DLGAP5: variants seen among roughly 807,000 people sequenced by gnomAD.
The protein encoded by DLGAP5 is DLG associated protein 5.
Under a neutral mutation model 99.6 loss-of-function variants are expected in DLGAP5, and 90 were observed. The ratio of observed to expected loss-of-function variants is 0.90; its 90% CI spans 0.76 to 1.08. The LOEUF (loss-of-function observed/expected upper bound fraction) is 1.08, where lower values mean the gene tolerates loss of function less well. Ranked by LOEUF, DLGAP5 falls within the 50% of genes least tolerant of loss-of-function variation. The pLI, the probability that DLGAP5 is intolerant of heterozygous loss-of-function variation, is 0.00. For synonymous variants in DLGAP5, 311 were observed against 321.3 expected (o/e 0.97, Z 0.34); for missense variants, 1,036 against 983.5 (o/e 1.05, Z -0.71).
chr14:55,183,135 C>T (rs1461828492), intron 3 of DLGAP5, among the ~76,000 whole-genome samples: 1 of 152,180 alleles, frequency 6.6e-6, no homozygotes, highest in East Asian at 1.9e-4. Context: ...TTAAAACCCA[C>T]TGCCCCTTTC....
chr14:55,175,672 T>C (rs1237493108), intron 9 of DLGAP5, among the ~76,000 whole-genome samples, 200 bp from the exon 10 acceptor site: 2 of 152,226 alleles, frequency 1.3e-5, no homozygotes, highest in Non-Finnish European at 2.9e-5. Context: ...CTTCTGTCTG[T>C]ATTCTTCATT....
chr14:55,158,788 A>T, intron 13 of DLGAP5, 47 bp from the exon 14 acceptor site: 2 of 1,371,002 alleles, frequency 1.5e-6, no homozygotes, highest in Non-Finnish European at 2.0e-6. Context: ...ACCATCTTAC[A>T]AGAAAAACAC....
chr14:55,155,094 G>C (rs1047375438), intron 14 of DLGAP5, among the ~76,000 whole-genome samples: 1 of 151,900 alleles, frequency 6.6e-6, no homozygotes, highest in East Asian at 1.9e-4. Flanking sequence ...GTGATCTCTC[G>C]GCTCACTGCA....
At chr14:55,182,552 CA>C in intron 3 of DLGAP5, 120 bp from the exon 4 acceptor site, 1 of 676,944 alleles carries the variant, frequency 1.5e-6, no homozygotes, top group Non-Finnish European at 2.3e-6. Flanking sequence ...TCTCTTATAG[CA>C]AAAAGATACT....
At chr14:55,164,546 A>G (rs1776648608) in intron 12 of DLGAP5, among the ~76,000 whole-genome samples, 1 of 152,150 alleles carries the variant, frequency 6.6e-6, no homozygotes, top group Non-Finnish European at 1.5e-5. Context: ...TAAGACTGTT[A>G]GGAGAAAACA....
intron 10 of DLGAP5, 92 bp from the exon 11 acceptor site, chr14:55,170,879 G>T (rs1882835226): frequency 2.3e-6 from 2 of 857,820 alleles, no homozygotes; most frequent in Non-Finnish European, 1.9e-6. Flanking sequence ...ACATTAGGAA[G>T]TTATAAAAGG....
intron 7 of DLGAP5, among the ~76,000 whole-genome samples, chr14:55,179,015 C>T (rs112250637): frequency 0.012 from 1,805 of 151,790 alleles, 14 homozygotes; most frequent in Middle Eastern, 0.027. Flanking sequence ...CCATTGCACT[C>T]GAGCCTGGGC....
chr14:55,175,856 T>G, intron 9 of DLGAP5, 38 bp downstream of exon 9: 1 of 1,480,454 alleles, frequency 6.8e-7, no homozygotes, highest in Non-Finnish European at 9.0e-7. Flanking sequence ...TGTATTAACA[T>G]TATTCTAAAA....
chr14:55,175,778 C>T, intron 9 of DLGAP5, 116 bp downstream of exon 9: 7 of 953,536 alleles, frequency 7.3e-6, no homozygotes, highest in Non-Finnish European at 1.0e-5. Flanking sequence ...GAGCTCCAAA[C>T]AAATCTGACA....
chr14:55,167,579 G>A (rs1882689303), intron 12 of DLGAP5, among the ~76,000 whole-genome samples: 1 of 152,128 alleles, frequency 6.6e-6, no homozygotes, highest in African/African-American at 2.4e-5. Flanking sequence ...CTCTTTCTGG[G>A]AATGGAGCCC....
rs900680990 is a variant in DLGAP5 at position 55,177,576 on chromosome 14, C to G, written c.775-240G>C. On this transcript the variant is annotated intron_variant, in intron 7 of 18. Coordinates refer to ENST00000247191, the MANE Select transcript of DLGAP5 (RefSeq NM_014750.5). Reference sequence around the variant, plus strand: ...TTTTTGATACGGAGTAGCCCTCCGTCGCCCAGGCTGGAGTGCAGTCGCGCG... The same window carrying G: ...TTTTTGATACGGAGTAGCCCTCCGTGGCCCAGGCTGGAGTGCAGTCGCGCG... 2.0e-5 allele frequency among the ~76,000 whole-genome samples: 3 copies of G among 151,114 alleles called. No homozygotes were observed. In the East Asian group the frequency reaches 5.9e-4, roughly 30 times the overall value.
chr14:55,184,099 G>A (rs1377957790), intron 2 of DLGAP5, among the ~76,000 whole-genome samples: 1 of 151,896 alleles, frequency 6.6e-6, no homozygotes, highest in Non-Finnish European at 1.5e-5. Context: ...GTTGCAGTGA[G>A]CCAAGATTGC....
chr14:55,152,776 T>A (rs1594661504), intron 15 of DLGAP5, 129 bp from the exon 16 acceptor site: 1 of 687,310 alleles, frequency 1.5e-6, no homozygotes, highest in East Asian at 3.0e-5. Flanking sequence ...TGGTGCAAGA[T>A]CAGGCGTGAT....
chr14:55,178,045 G>A (rs1191158843), intron 7 of DLGAP5, among the ~76,000 whole-genome samples: 2 of 150,586 alleles, frequency 1.3e-5, no homozygotes, highest in Non-Finnish European at 3.0e-5. Context: ...AAGGTCGGGA[G>A]ATCGAGACCA....
intron 12 of DLGAP5, among the ~76,000 whole-genome samples, chr14:55,165,012 CA>C (rs1882589851): frequency 6.6e-6 from 1 of 151,134 alleles, no homozygotes. Context: ...GATTAAAAGT[CA>C]AGCTACAAAC....
At chr14:55,149,526 G>A (rs2140301373) in intron 18 of DLGAP5, among the ~76,000 whole-genome samples, 1 of 151,738 alleles carries the variant, frequency 6.6e-6, no homozygotes, top group East Asian at 1.9e-4. Context: ...GTATTTGCCA[G>A]GTTTCATGAA....
At position 55,158,977 on chromosome 14, in the gene DLGAP5, A is replaced by G. The variant is rs1882313579; in HGVS notation, c.1654-236T>C. 2.6e-5 allele frequency among the ~76,000 whole-genome samples: 4 copies of G among 152,058 alleles called. No homozygotes were observed. In the South Asian group the frequency reaches 8.3e-4, roughly 31 times the overall value. On this transcript the variant is annotated intron_variant, in intron 13 of 18. Transcript: ENST00000247191. ...GCTTAGTAGAAGATCTGGGAAGAAT[A>G]GTAAGAAGGATAAATGTCCTGTTAG...
chr14:55,187,442 C>T (rs1015871214), intron 2 of DLGAP5, among the ~76,000 whole-genome samples: 1 of 151,448 alleles, frequency 6.6e-6, no homozygotes, highest in Non-Finnish European at 1.5e-5. Context: ...CCTCGGCCTC[C>T]TGAGTAGGTG....
At chr14:55,173,754 A>G (rs953512354) in intron 10 of DLGAP5, among the ~76,000 whole-genome samples, 4 of 152,206 alleles carry the variant, frequency 2.6e-5, no homozygotes, top group African/African-American at 9.6e-5. Flanking sequence ...GCCTGTCTTT[A>G]CTGCAATCTC....
Sources: gnomAD v4.1 joint callset for allele counts (sites outside exome capture counted in the v4.1 genomes callset) on GRCh38, gnomAD v4.1.1 for gene constraint, MANE v1.5 for transcripts, NCBI Gene and HGNC (gene_info 2026-07-23, HGNC 2026-07-21) for gene names.